CDC42BPA: variants seen among roughly 807,000 people sequenced by gnomAD.
CDC42BPA encodes CDC42 binding protein kinase alpha, also known as serine/threonine-protein kinase MRCK alpha.
Under a neutral mutation model 223.5 loss-of-function variants are expected in CDC42BPA, and 80 were observed. That is an observed-to-expected ratio of 0.36 (90% CI 0.30 to 0.43). The LOEUF (loss-of-function observed/expected upper bound fraction) is 0.43. Among genes scored for constraint, CDC42BPA ranks in the 20% least tolerant of loss-of-function variants. The pLI is 1.00. For synonymous variants in CDC42BPA, 694 were observed against 718.6 expected (o/e 0.97, Z 0.55); for missense variants, 1,743 against 2,099.9 (o/e 0.83, Z 3.32).
At chr1:227,205,609 G>A (rs1231035916) in intron 3 of CDC42BPA, among the ~76,000 whole-genome samples, 1 of 151,902 alleles carries the variant, frequency 6.6e-6, no homozygotes, top group Non-Finnish European at 1.5e-5. Context: ...TATAAAAATA[G>A]CCAAACAAGG....
intron 23 of CDC42BPA, among the ~76,000 whole-genome samples, chr1:227,047,253 T>G (rs1406801277): frequency 6.6e-6 from 1 of 152,176 alleles, no homozygotes; most frequent in Non-Finnish European, 1.5e-5. Context: ...ACTTCTTATC[T>G]CTTTAAGGAT....
chr1:227,308,135 A>G (rs1692881443), intron 1 of CDC42BPA, among the ~76,000 whole-genome samples: 1 of 152,334 alleles, frequency 6.6e-6, no homozygotes. Context: ...ACATCCTTAT[A>G]TTAGTATAGC....
intron 14 of CDC42BPA, among the ~76,000 whole-genome samples, chr1:227,111,540 A>G (rs547767684): frequency 6.6e-6 from 1 of 152,282 alleles, no homozygotes; most frequent in East Asian, 1.9e-4. Context: ...GCTGGAGTGC[A>G]ATAGTGCGAT....
intron 5 of CDC42BPA, among the ~76,000 whole-genome samples, chr1:227,161,879 T>C (rs1041236868): frequency 2.0e-5 from 3 of 152,212 alleles, no homozygotes; most frequent in Non-Finnish European, 2.9e-5. Flanking sequence ...GACAGGGTGA[T>C]TGAAAACAAC....
intron 8 of CDC42BPA, 151 bp from the exon 9 acceptor site, chr1:227,143,175 G>A: frequency 2.3e-6 from 1 of 429,496 alleles, no homozygotes; most frequent in Non-Finnish European, 4.1e-6. Context: ...GTTGTTTAGT[G>A]ATATAAAATT....
At chr1:227,264,815 T>A in intron 1 of CDC42BPA, 1 of 1,442,620 alleles carries the variant, frequency 6.9e-7, no homozygotes, top group Non-Finnish European at 9.7e-7. Flanking sequence ...ATCTTCTTGC[T>A]TTTTTGGAAT....
At chr1:227,303,151 AG>A (rs1691957912) in intron 1 of CDC42BPA, among the ~76,000 whole-genome samples, 1 of 152,180 alleles carries the variant, frequency 6.6e-6, no homozygotes, top group Non-Finnish European at 1.5e-5. Flanking sequence ...TTTAATTACG[AG>A]AACTAAAACA....
At chr1:227,079,591 G>A (rs191717901) in intron 17 of CDC42BPA, among the ~76,000 whole-genome samples, 137 of 152,238 alleles carry the variant, frequency 9.0e-4, no homozygotes, top group Non-Finnish European at 1.4e-3. Context: ...CAGAAATGCA[G>A]ACTTGATGAT....
At chr1:227,203,801 TGGAC>T (rs1672211783) in intron 3 of CDC42BPA, among the ~76,000 whole-genome samples, 1 of 152,194 alleles carries the variant, frequency 6.6e-6, no homozygotes, top group Admixed American at 6.5e-5. Flanking sequence ...TTATCCTTAA[TGGAC>T]TATTGGGATA....
At chr1:227,037,399 C>T (rs902689532) in intron 24 of CDC42BPA, among the ~76,000 whole-genome samples, 1 of 152,226 alleles carries the variant, frequency 6.6e-6, no homozygotes, top group Non-Finnish European at 1.5e-5. Flanking sequence ...ACTCCTAGCT[C>T]TTAAATCTCT....
chr1:227,168,732 C>A (rs137902129), intron 5 of CDC42BPA, among the ~76,000 whole-genome samples: 1 of 151,908 alleles, frequency 6.6e-6, no homozygotes, highest in Non-Finnish European at 1.5e-5. Flanking sequence ...CTCCTGACCT[C>A]GTGATCCATC....
At chr1:227,074,821 G>A (rs1679121562) in intron 17 of CDC42BPA, among the ~76,000 whole-genome samples, 1 of 151,936 alleles carries the variant, frequency 6.6e-6, no homozygotes, top group Admixed American at 6.6e-5. Flanking sequence ...CAAAAATCAG[G>A]GTTATATTGT....
chr1:227,069,676 G>T, intron 21 of CDC42BPA, 101 bp downstream of exon 21: 1 of 745,854 alleles, frequency 1.3e-6, no homozygotes, highest in Non-Finnish European at 2.3e-6. Context: ...TAGGTCCTCT[G>T]ATGTGGGAAG....
intron 6 of CDC42BPA, among the ~76,000 whole-genome samples, chr1:227,153,515 G>C (rs1662169141): frequency 6.6e-6 from 1 of 151,774 alleles, no homozygotes; most frequent in South Asian, 2.1e-4. Context: ...ACTTACGAAG[G>C]AAAAGAGAAG....
intron 3 of CDC42BPA, among the ~76,000 whole-genome samples, chr1:227,203,226 T>C (rs1007284283): frequency 3.3e-5 from 5 of 152,248 alleles, no homozygotes; most frequent in Non-Finnish European, 5.9e-5. Context: ...CCTTGAATCC[T>C]GAGTCTAGAT....
intron 30 of CDC42BPA, among the ~76,000 whole-genome samples, chr1:227,028,065 G>C (rs1668598380): frequency 6.6e-6 from 1 of 151,572 alleles, no homozygotes; most frequent in African/African-American, 2.4e-5. Flanking sequence ...GGCTGCAGTG[G>C]GCTGTGACGA....
chr1:227,147,752 A>C (rs1262552650), intron 6 of CDC42BPA, among the ~76,000 whole-genome samples, 193 bp from the exon 7 acceptor site: 2 of 152,130 alleles, frequency 1.3e-5, no homozygotes, highest in Non-Finnish European at 2.9e-5. Flanking sequence ...ATTTCATAAC[A>C]CTATAGAACT....
chr1:227,084,638 C>T (rs962746641), intron 16 of CDC42BPA, among the ~76,000 whole-genome samples: 1 of 151,830 alleles, frequency 6.6e-6, no homozygotes, highest in African/African-American at 2.4e-5. Flanking sequence ...TATTACCACT[C>T]CTTTCTTCCT....
chr1:227,033,264 A>T (rs1369929767), intron 27 of CDC42BPA, 70 bp downstream of exon 27: 1 of 958,310 alleles, frequency 1.0e-6, no homozygotes, highest in Non-Finnish European at 1.7e-6. Context: ...TTTATGATTT[A>T]TATAGGGAGG....
Sources: gnomAD v4.1 joint callset for allele counts (sites outside exome capture counted in the v4.1 genomes callset) on GRCh38, gnomAD v4.1.1 for gene constraint, MANE v1.5 for transcripts, NCBI Gene and HGNC (gene_info 2026-07-23, HGNC 2026-07-21) for gene names.